Variants in SGCZ observed in about 807,000 individuals in gnomAD.
SGCZ encodes the protein zeta-sarcoglycan.
SGCZ carries 40 observed loss-of-function variants against 41.3 expected under a neutral mutation model. That is an observed-to-expected ratio of 0.97 (90% CI 0.75 to 1.26). SGCZ has a LOEUF of 1.26. Ranked by LOEUF, SGCZ falls within the 50% of genes most tolerant of loss-of-function variation. SGCZ has a pLI of 0.00. For synonymous variants in SGCZ, 206 were observed against 137.5 expected (o/e 1.50, Z -3.49); for missense variants, 552 against 369.8 (o/e 1.49, Z -4.04).
chr8:15,210,969 A>G (rs1801216223), intron 1 of SGCZ, among the ~76,000 whole-genome samples: 1 of 151,626 alleles, frequency 6.6e-6, no homozygotes, highest in Admixed American at 6.6e-5. Context: ...GATCAATCCA[A>G]CTGTCCAAAT....
At chr8:14,976,134 C>A (rs567888965) in intron 1 of SGCZ, among the ~76,000 whole-genome samples, 1 of 151,430 alleles carries the variant, frequency 6.6e-6, no homozygotes, top group Non-Finnish European at 1.5e-5. Context: ...GCGATTCTCT[C>A]GCCCCAGCCT....
At chr8:14,822,109 C>CAT (rs3220314) in intron 1 of SGCZ, among the ~76,000 whole-genome samples, 1 of 149,512 alleles carries the variant, frequency 6.7e-6, no homozygotes, top group African/African-American at 2.4e-5. Context: ...CACACACACA[C>CAT]GGTTAGAACT....
chr8:14,840,223 T>C (rs1377785066), intron 1 of SGCZ, among the ~76,000 whole-genome samples: 1 of 152,188 alleles, frequency 6.6e-6, no homozygotes, highest in East Asian at 1.9e-4. Context: ...GAGAGATGAG[T>C]GTTAATCAGG....
chr8:14,907,064 T>C (rs2130770077), intron 1 of SGCZ, among the ~76,000 whole-genome samples: 1 of 152,306 alleles, frequency 6.6e-6, no homozygotes, highest in South Asian at 2.1e-4. Flanking sequence ...GAAAGCATGG[T>C]GCTAGTTTTA....
chr8:14,326,290 A>G (rs1353302612), intron 2 of SGCZ, among the ~76,000 whole-genome samples: 1 of 151,920 alleles, frequency 6.6e-6, no homozygotes, highest in Non-Finnish European at 1.5e-5. Flanking sequence ...GTATCAGACG[A>G]AAGTTGAGGG....
intron 2 of SGCZ, among the ~76,000 whole-genome samples, chr8:14,386,993 G>A (rs1331500648): frequency 1.3e-5 from 2 of 152,180 alleles, no homozygotes; most frequent in Admixed American, 1.3e-4. Context: ...AAGATTTGAT[G>A]TTTGCCAAAG....
intron 1 of SGCZ, among the ~76,000 whole-genome samples, chr8:15,078,108 T>A (rs1805606385): frequency 6.6e-6 from 1 of 151,134 alleles, no homozygotes; most frequent in Non-Finnish European, 1.5e-5. Flanking sequence ...GGTGGCCTGA[T>A]TTTCAGTGTG....
At chr8:14,391,932 A>C (rs911097714) in intron 2 of SGCZ, among the ~76,000 whole-genome samples, 1 of 152,006 alleles carries the variant, frequency 6.6e-6, no homozygotes, top group Non-Finnish European at 1.5e-5. Flanking sequence ...AAAATTCACT[A>C]TTGCAAGGAC....
At chr8:14,780,331 C>T (rs1282741134) in intron 1 of SGCZ, among the ~76,000 whole-genome samples, 2 of 148,014 alleles carry the variant, frequency 1.4e-5, no homozygotes, top group South Asian at 2.1e-4. Context: ...GCTGAGATTG[C>T]GCCATTGCAC....
intron 1 of SGCZ, among the ~76,000 whole-genome samples, chr8:14,937,282 T>A (rs1800114558): frequency 6.6e-6 from 1 of 152,018 alleles, no homozygotes; most frequent in Middle Eastern, 3.2e-3. Flanking sequence ...TTTGACAACT[T>A]AAATAAAATA....
intron 1 of SGCZ, among the ~76,000 whole-genome samples, chr8:14,640,383 C>G (rs193082563): frequency 3.4e-4 from 51 of 151,744 alleles, no homozygotes; most frequent in African/African-American, 1.2e-3. Context: ...AGTTCCCATT[C>G]CCATTATTGC....
chr8:14,780,153 T>C (rs1800543685), intron 1 of SGCZ, among the ~76,000 whole-genome samples: 1 of 151,832 alleles, frequency 6.6e-6, no homozygotes, highest in Non-Finnish European at 1.5e-5. Flanking sequence ...GCCGGGCGGA[T>C]CACGAGGTCA....
intron 1 of SGCZ, among the ~76,000 whole-genome samples, chr8:14,999,907 T>C (rs1417041276): frequency 6.6e-6 from 1 of 152,174 alleles, no homozygotes; most frequent in African/African-American, 2.4e-5. Flanking sequence ...GAACAAGGTA[T>C]TACAAGGGTG....
At chr8:15,069,115 TC>T (rs1805260341) in intron 1 of SGCZ, among the ~76,000 whole-genome samples, 1 of 152,246 alleles carries the variant, frequency 6.6e-6, no homozygotes, top group Non-Finnish European at 1.5e-5. Flanking sequence ...AAGTCTTTAT[TC>T]TTTTTACCTA....
intron 2 of SGCZ, among the ~76,000 whole-genome samples, chr8:14,465,943 GTT>G (rs145204154): frequency 6.6e-6 from 1 of 151,860 alleles, no homozygotes; most frequent in Non-Finnish European, 1.5e-5. Context: ...AGACTAATAA[GTT>G]TTTAATGTAT....
At chr8:14,751,617 A>G (rs1166664229) in intron 1 of SGCZ, among the ~76,000 whole-genome samples, 1 of 152,154 alleles carries the variant, frequency 6.6e-6, no homozygotes, top group African/African-American at 2.4e-5. Context: ...TTGCCTGAAA[A>G]GAGAGGCTGG....
intron 1 of SGCZ, among the ~76,000 whole-genome samples, chr8:15,048,640 AAGTC>A (rs1431368044): frequency 6.6e-6 from 1 of 152,126 alleles, no homozygotes; most frequent in Non-Finnish European, 1.5e-5. Flanking sequence ...AATTGTGAAA[AAGTC>A]AGATATTCTC....
chr8:15,001,285 C>G (rs752090520), intron 1 of SGCZ, among the ~76,000 whole-genome samples: 4 of 152,240 alleles, frequency 2.6e-5, no homozygotes, highest in Non-Finnish European at 4.4e-5. Flanking sequence ...AAACACCAAA[C>G]TTCAGCCCTT....
intron 3 of SGCZ, chr8:14,309,146 G>A (rs986569788): frequency 1.2e-5 from 17 of 1,463,956 alleles, no homozygotes; most frequent in Middle Eastern, 2.4e-4. Context: ...GAACAGATGG[G>A]CACTCTGGTT....
Sources: allele counts gnomAD v4.1 joint callset (sites outside exome capture counted in the v4.1 genomes callset), GRCh38; gene constraint gnomAD v4.1.1; transcripts MANE v1.5; gene names NCBI Gene and HGNC (gene_info 2026-07-23, HGNC 2026-07-21).